The following FOXP2 variants were observed in gnomAD, a reference collection of about 807,000 sequenced individuals.
The protein encoded by FOXP2 is forkhead box protein P2.
A neutral mutation model predicts 115.8 loss-of-function variants in FOXP2; 12 were observed. The ratio of observed to expected loss-of-function variants is 0.10; its 90% CI spans 0.07 to 0.17. The LOEUF is 0.17. Among genes scored for constraint, FOXP2 ranks in the 10% least tolerant of loss-of-function variants. The pLI, the probability that FOXP2 is intolerant of heterozygous loss-of-function variation, is 1.00. For missense variants in FOXP2, 629 were observed against 843.5 expected, an observed-to-expected ratio of 0.75 and a Z score of 3.15; for synonymous variants, 328 against 297.7, an observed-to-expected ratio of 1.10 and a Z score of -1.05.
At chr7:114,328,586 A>T (rs1797618867) in intron 2 of FOXP2, among the ~76,000 whole-genome samples, 1 of 152,212 alleles carries the variant, frequency 6.6e-6, no homozygotes, top group South Asian at 2.1e-4. Flanking sequence ...TGCAGTAACA[A>T]TAATAATCCT....
intron 2 of FOXP2, among the ~76,000 whole-genome samples, chr7:114,460,950 T>G (rs1795534162): frequency 6.6e-6 from 1 of 152,202 alleles, no homozygotes; most frequent in African/African-American, 2.4e-5. Context: ...CATCCCTCCT[T>G]CCTTGAGACT....
chr7:114,362,456 T>C (rs1018052307), intron 2 of FOXP2, among the ~76,000 whole-genome samples: 1 of 152,082 alleles, frequency 6.6e-6, no homozygotes, highest in African/African-American at 2.4e-5. Flanking sequence ...AATACTATGC[T>C]AAATAAGCAA....
chr7:114,229,030 A>G (rs1794808365), intron 1 of FOXP2, among the ~76,000 whole-genome samples: 1 of 151,660 alleles, frequency 6.6e-6, no homozygotes, highest in Non-Finnish European at 1.5e-5. Flanking sequence ...GGACACACAC[A>G]GACTTTAAGT....
chr7:114,276,665 G>C (rs187938831), intron 1 of FOXP2, among the ~76,000 whole-genome samples: 1 of 152,242 alleles, frequency 6.6e-6, no homozygotes, highest in East Asian at 1.9e-4. Flanking sequence ...AGGTTTTCCT[G>C]TTCTGGTACT....
At chr7:114,444,875 G>A (rs1794762951) in intron 2 of FOXP2, among the ~76,000 whole-genome samples, 1 of 151,552 alleles carries the variant, frequency 6.6e-6, no homozygotes, top group African/African-American at 2.4e-5. Flanking sequence ...GTTATGTCTG[G>A]GTAACCAAGC....
chr7:114,518,404 A>T (rs953786443), intron 2 of FOXP2, among the ~76,000 whole-genome samples: 1 of 152,184 alleles, frequency 6.6e-6, no homozygotes, highest in African/African-American at 2.4e-5. Context: ...CTTACCAGAA[A>T]CAATGCTTGA....
chr7:114,149,562 C>A (rs1327240379), intron 1 of FOXP2, among the ~76,000 whole-genome samples: 1 of 151,900 alleles, frequency 6.6e-6, no homozygotes, highest in Non-Finnish European at 1.5e-5. Context: ...CCTTTAATTA[C>A]CATCAAAGAG....
At chr7:114,689,692 T>C in intron 16 of FOXP2, 90 bp from the exon 17 acceptor site, 1 of 1,363,606 alleles carries the variant, frequency 7.3e-7, no homozygotes, top group Non-Finnish European at 1.0e-6. Flanking sequence ...TCTTCTTGCC[T>C]TTTTTCAGTT....
intron 16 of FOXP2, among the ~76,000 whole-genome samples, chr7:114,671,664 T>C (rs1371669349): frequency 2.6e-5 from 4 of 151,714 alleles, no homozygotes; most frequent in Non-Finnish European, 4.4e-5. Context: ...AACTTTTTCC[T>C]ACTTTCAGTA....
intron 1 of FOXP2, among the ~76,000 whole-genome samples, chr7:114,136,369 G>A (rs1232631860): frequency 6.6e-6 from 1 of 151,920 alleles, no homozygotes; most frequent in Non-Finnish European, 1.5e-5. Flanking sequence ...ACTTTAAATG[G>A]TCTCAATTTT....
At chr7:114,185,389 A>G (rs1793565992) in intron 1 of FOXP2, among the ~76,000 whole-genome samples, 1 of 152,156 alleles carries the variant, frequency 6.6e-6, no homozygotes, top group South Asian at 2.1e-4. Context: ...GTTGCTTAAT[A>G]TCTCTGGGCT....
intron 2 of FOXP2, among the ~76,000 whole-genome samples, chr7:114,429,890 A>G (rs1344545770): frequency 6.6e-6 from 1 of 151,724 alleles, no homozygotes; most frequent in Non-Finnish European, 1.5e-5. Flanking sequence ...AGCATATGAC[A>G]TTTAATAAAT....
chr7:114,570,438 T>G (rs1178383646), intron 3 of FOXP2, among the ~76,000 whole-genome samples: 1 of 152,046 alleles, frequency 6.6e-6, no homozygotes, highest in South Asian at 2.1e-4. Flanking sequence ...GATTACATTT[T>G]AAGAACAAAT....
chr7:114,268,962 A>G (rs1450921965), intron 1 of FOXP2, among the ~76,000 whole-genome samples: 1 of 152,190 alleles, frequency 6.6e-6, no homozygotes, highest in East Asian at 1.9e-4. Context: ...CTAGTCCAGT[A>G]TGTTTACTGT....
chr7:114,261,509 G>T (rs796941903), intron 1 of FOXP2, among the ~76,000 whole-genome samples: 3 of 152,278 alleles, frequency 2.0e-5, no homozygotes, highest in South Asian at 4.1e-4. Context: ...ATGTTTAAAA[G>T]ATTAGGCTTC....
intron 1 of FOXP2, among the ~76,000 whole-genome samples, chr7:114,182,317 T>C (rs1005359211): frequency 6.6e-5 from 10 of 152,070 alleles, no homozygotes; most frequent in African/African-American, 2.2e-4. Flanking sequence ...TGTTTAGTAC[T>C]AGGTTCAATA....
chr7:114,143,237 C>T (rs1438227292), intron 1 of FOXP2, among the ~76,000 whole-genome samples: 4 of 151,464 alleles, frequency 2.6e-5, no homozygotes, highest in Non-Finnish European at 2.9e-5. Context: ...ACAGTATCTC[C>T]GAAATCATTT....
intron 4 of FOXP2, chr7:114,628,925 C>T (rs961294504): frequency 1.1e-5 from 5 of 470,530 alleles, no homozygotes; most frequent in African/African-American, 9.8e-5. Flanking sequence ...ATGGAATGAG[C>T]CAATATTTAA....
intron 1 of FOXP2, among the ~76,000 whole-genome samples, chr7:114,168,912 G>A (rs1042408349): frequency 1.3e-5 from 2 of 152,206 alleles, no homozygotes; most frequent in Non-Finnish European, 2.9e-5. Context: ...GTAGAGCTAG[G>A]GCTGTGGCTT....
Sources: gnomAD v4.1 joint callset for allele counts (sites outside exome capture counted in the v4.1 genomes callset) on GRCh38, gnomAD v4.1.1 for gene constraint, MANE v1.5 for transcripts, NCBI Gene and HGNC (gene_info 2026-07-23, HGNC 2026-07-21) for gene names.